The following CIROZ variants were observed in gnomAD, a reference collection of about 807,000 sequenced individuals.
The protein encoded by CIROZ is ciliated left-right organizer protein containing ZP-N domains, also known as ciliated left-right organizer ZP-N domains-containing protein.
chr1:10,975,771 C>T, the CIROZ span, among the ~76,000 whole-genome samples: 1 of 152,148 alleles, frequency 6.6e-6, no homozygotes, highest in African/African-American at 2.4e-5. Flanking sequence ...TGCTATGGGA[C>T]CTTAGACAAG....
chr1:10,952,095 C>T, the CIROZ span, among the ~76,000 whole-genome samples: 1 of 152,046 alleles, frequency 6.6e-6, no homozygotes, highest in Non-Finnish European at 1.5e-5. Context: ...TAAGGCCTGT[C>T]AAGAATAAGA....
chr1:10,977,079 G>A, the CIROZ span, among the ~76,000 whole-genome samples: 54,996 of 151,680 alleles, frequency 0.36, 12,914 homozygotes, highest in African/African-American at 0.67. Context: ...GGATCACCTG[G>A]GCCCGGGAAG....
the CIROZ span, among the ~76,000 whole-genome samples, chr1:10,950,041 T>TC: frequency 1.4e-5 from 2 of 145,684 alleles, no homozygotes; most frequent in Non-Finnish European, 3.0e-5. Context: ...TTTTTTTTTT[T>TC]TTTTTTTTTT....
chr1:10,962,805 A>G, the CIROZ span, among the ~76,000 whole-genome samples: 1 of 152,240 alleles, frequency 6.6e-6, no homozygotes, highest in Non-Finnish European at 1.5e-5. Flanking sequence ...AACGGCACCC[A>G]GCACAGAATG....
chr1:10,957,538 G>T, the CIROZ span: 11 of 1,562,164 alleles, frequency 7.0e-6, no homozygotes, highest in African/African-American at 1.4e-4. Context: ...GTCACTGGAG[G>T]GGTGGCAACC....
chr1:10,954,159 A>C, the CIROZ span: 1 of 1,608,070 alleles, frequency 6.2e-7, no homozygotes, highest in Non-Finnish European at 8.5e-7. Flanking sequence ...GGCCACAAGA[A>C]ATTAGTTGCA....
chr1:10,954,925 G>C, the CIROZ span: 1 of 1,488,724 alleles, frequency 6.7e-7, no homozygotes, highest in Non-Finnish European at 9.1e-7. Context: ...ATATGGCATC[G>C]GTGACCAAAG....
At chr1:10,952,294 C>T in the CIROZ span, among the ~76,000 whole-genome samples, 1 of 152,234 alleles carries the variant, frequency 6.6e-6, no homozygotes, top group Admixed American at 6.5e-5. Flanking sequence ...GTAAAATTAA[C>T]AAAATGAGGA....
chr1:10,970,115 G>A, the CIROZ span: 1 of 1,505,010 alleles, frequency 6.6e-7, no homozygotes, highest in South Asian at 1.2e-5. Flanking sequence ...GGAGGAGGGA[G>A]GGAGGTGGGG....
At chr1:10,966,535 CT>C in the CIROZ span, 152 of 1,470,046 alleles carry the variant, frequency 1.0e-4, no homozygotes, top group Non-Finnish European at 4.5e-6. Context: ...GGTGGCTTCT[CT>C]GGCAGGGTCA....
At chr1:10,948,383 G>C in the CIROZ span, 1 of 1,613,258 alleles carries the variant, frequency 6.2e-7, no homozygotes, top group Non-Finnish European at 8.5e-7. Context: ...ACTCCTCACT[G>C]GCTTGGCCGG....
chr1:10,957,001 T>C, the CIROZ span: 3 of 1,541,742 alleles, frequency 1.9e-6, no homozygotes, highest in Non-Finnish European at 2.6e-6. Context: ...AGGTGGACAT[T>C]AGGGGCACTC....
At chr1:10,958,609 AG>A in the CIROZ span, 1 of 1,347,066 alleles carries the variant, frequency 7.4e-7, no homozygotes, top group South Asian at 1.2e-5. Flanking sequence ...CACTCTCCGG[AG>A]GACAAGCAAA....
the CIROZ span, chr1:10,969,878 T>G: frequency 1.4e-6 from 2 of 1,426,632 alleles, no homozygotes; most frequent in Non-Finnish European, 1.8e-6. Flanking sequence ...CCCAGGAACC[T>G]GCAAGAGCCA....
the CIROZ span, among the ~76,000 whole-genome samples, chr1:10,962,868 C>G: frequency 0.037 from 5,663 of 152,316 alleles, 350 homozygotes; most frequent in African/African-American, 0.13. Flanking sequence ...GCCTATAATC[C>G]CAGGGCTTTG....
the CIROZ span, among the ~76,000 whole-genome samples, chr1:10,981,824 G>A: frequency 6.6e-6 from 1 of 152,134 alleles, no homozygotes; most frequent in Non-Finnish European, 1.5e-5. Context: ...GACTGTGGCC[G>A]GACCTCACCT....
the CIROZ span, among the ~76,000 whole-genome samples, chr1:10,981,805 G>A: frequency 6.6e-6 from 1 of 152,208 alleles, no homozygotes; most frequent in Non-Finnish European, 1.5e-5. Flanking sequence ...GCATGAGAAA[G>A]GTGGGAGAGA....
the CIROZ span, among the ~76,000 whole-genome samples, chr1:10,977,750 C>T: frequency 9.2e-5 from 14 of 152,100 alleles, no homozygotes; most frequent in Non-Finnish European, 1.3e-4. Context: ...ACTTAGAGCA[C>T]CATAAGATAG....
the CIROZ span, among the ~76,000 whole-genome samples, chr1:10,956,053 G>A: frequency 1.3e-5 from 2 of 152,112 alleles, no homozygotes; most frequent in African/African-American, 2.4e-5. Flanking sequence ...GCCAATGCCT[G>A]AAAATCCCCA....
Sources: allele counts gnomAD v4.1 joint callset (sites outside exome capture counted in the v4.1 genomes callset), GRCh38; gene constraint gnomAD v4.1.1; transcripts MANE v1.5; gene names NCBI Gene and HGNC (gene_info 2026-07-23, HGNC 2026-07-21).